ZBTB20: variants seen among roughly 807,000 people sequenced by gnomAD.
ZBTB20 encodes the protein zinc finger and BTB domain-containing protein 20.
ZBTB20 carries 9 observed loss-of-function variants against 56.9 expected under a neutral mutation model. The ratio of observed to expected loss-of-function variants is 0.16; its 90% CI spans 0.10 to 0.28. The LOEUF (loss-of-function observed/expected upper bound fraction) is 0.28, where lower values mean the gene tolerates loss of function less well. Ranked by LOEUF, ZBTB20 falls within the 10% of genes least tolerant of loss-of-function variation. The pLI, the probability that ZBTB20 is intolerant of heterozygous loss-of-function variation, is 1.00. For synonymous variants in ZBTB20, 417 were observed against 420.7 expected, an observed-to-expected ratio of 0.99 and a Z score of 0.11; for missense variants, 655 against 1,003.0, an observed-to-expected ratio of 0.65 and a Z score of 4.69.
chr3:114,515,552 T>TC (rs1348278394), intron 6 of ZBTB20, among the ~76,000 whole-genome samples: 1 of 152,226 alleles, frequency 6.6e-6, no homozygotes, highest in Admixed American at 6.5e-5. Flanking sequence ...GTTTCCTTTT[T>TC]CACTCCACAG....
At chr3:115,043,033 C>T (rs1454968956) in intron 2 of ZBTB20, among the ~76,000 whole-genome samples, 1 of 152,190 alleles carries the variant, frequency 6.6e-6, no homozygotes. Flanking sequence ...TCATTAACTT[C>T]TATCTCTATA....
At chr3:114,932,491 A>G (rs1576360299) in intron 3 of ZBTB20, among the ~76,000 whole-genome samples, 1 of 152,216 alleles carries the variant, frequency 6.6e-6, no homozygotes, top group Non-Finnish European at 1.5e-5. Context: ...AGATATTATC[A>G]ATCCCTAGGC....
intron 2 of ZBTB20, among the ~76,000 whole-genome samples, chr3:114,981,906 A>T (rs1489427831): frequency 6.6e-6 from 1 of 151,954 alleles, no homozygotes; most frequent in Non-Finnish European, 1.5e-5. Flanking sequence ...ACACAAGTCT[A>T]CTTCTTCACT....
chr3:114,505,516 CA>C (rs1028635008), intron 6 of ZBTB20, among the ~76,000 whole-genome samples: 1 of 152,106 alleles, frequency 6.6e-6, no homozygotes, highest in Non-Finnish European at 1.5e-5. Flanking sequence ...AATGGTGTGA[CA>C]ACAGGACAGA....
intron 5 of ZBTB20, among the ~76,000 whole-genome samples, chr3:114,696,961 T>C (rs1271974421): frequency 6.6e-6 from 1 of 151,880 alleles, no homozygotes; most frequent in African/African-American, 2.4e-5. Flanking sequence ...AACTGTTGTT[T>C]AGATGATGAA....
chr3:115,108,422 T>A (rs1560578455), intron 1 of ZBTB20, among the ~76,000 whole-genome samples: 1 of 152,096 alleles, frequency 6.6e-6, no homozygotes, highest in African/African-American at 2.4e-5. Flanking sequence ...TGAGTAACAA[T>A]TTGAAGTTAG....
intron 1 of ZBTB20, among the ~76,000 whole-genome samples, chr3:115,096,206 C>G (rs1055035178): frequency 6.6e-6 from 1 of 152,116 alleles, no homozygotes; most frequent in African/African-American, 2.4e-5. Flanking sequence ...ACACACCTGT[C>G]CGATTGCTAG....
chr3:114,635,220 TTG>T, intron 6 of ZBTB20, among the ~76,000 whole-genome samples: 1 of 152,318 alleles, frequency 6.6e-6, no homozygotes, highest in South Asian at 2.1e-4. Context: ...AGCCTTTTCC[TTG>T]AGAAGGCAAG....
At chr3:114,496,896 C>A (rs1387283183) in intron 7 of ZBTB20, among the ~76,000 whole-genome samples, 1 of 152,188 alleles carries the variant, frequency 6.6e-6, no homozygotes, top group African/African-American at 2.4e-5. Context: ...GGAATGTCTT[C>A]TCCTTATCTG....
intron 7 of ZBTB20, among the ~76,000 whole-genome samples, chr3:114,396,029 C>CAA (rs1045367032): frequency 6.6e-6 from 1 of 152,060 alleles, no homozygotes; most frequent in African/African-American, 2.4e-5. Context: ...CCCACACACA[C>CAA]AATCATGAAT....
chr3:114,421,867 C>G (rs2733393), intron 7 of ZBTB20, among the ~76,000 whole-genome samples: 1 of 150,266 alleles, frequency 6.7e-6, no homozygotes, highest in Non-Finnish European at 1.5e-5. Context: ...ATTCCCTCTC[C>G]TCCAGTGTCC....
intron 7 of ZBTB20, among the ~76,000 whole-genome samples, chr3:114,435,298 A>G (rs1221957849): frequency 1.3e-5 from 2 of 152,134 alleles, no homozygotes; most frequent in Non-Finnish European, 2.9e-5. Context: ...TCACTTCTGA[A>G]CACCTGGTAC....
rs761238911 is a variant in ZBTB20 at position 114,501,646 on chromosome 3, C to CAA, written c.-294-1257_-294-1256dup. 6.0e-3 allele frequency among the ~76,000 whole-genome samples: 509 copies of CAA among 84,312 alleles called. 3 individuals carry two copies. Among genetic ancestry groups the CAA allele is most frequent in the East Asian group, 0.023 (70 of 3,036 alleles). 55.3% of individuals were successfully genotyped at this position (84,312 alleles called of 152,430 possible). A position where few individuals can be genotyped will look rare whatever the true frequency, so the allele number is the denominator to read the frequency against. ...CGTCAAAAAAAAAAAAATCACAGGC[C>CAA]AAAAAAAAAAAAAACTATTATAGGA... On this transcript the variant is annotated intron_variant, in intron 6 of 11. Coordinates refer to ENST00000675478, the MANE Select transcript of ZBTB20 (RefSeq NM_001348800.3).
At chr3:114,770,506 T>C (rs1465763559) in intron 5 of ZBTB20, among the ~76,000 whole-genome samples, 2 of 150,596 alleles carry the variant, frequency 1.3e-5, no homozygotes, top group Non-Finnish European at 2.9e-5. Context: ...CCCCAATAAC[T>C]TATGGAAAAA....
chr3:114,541,763 C>T (rs62264758), intron 6 of ZBTB20, among the ~76,000 whole-genome samples: 54,213 of 151,942 alleles, frequency 0.36, 11,688 homozygotes, highest in East Asian at 0.72. Context: ...TCTAGCAGAA[C>T]AAGCAAAGGT....
At chr3:114,562,692 C>T (rs952415540) in intron 6 of ZBTB20, among the ~76,000 whole-genome samples, 5 of 152,106 alleles carry the variant, frequency 3.3e-5, no homozygotes, top group Admixed American at 6.6e-5. Flanking sequence ...TGAGAGATAA[C>T]GTGACTGTTC....
chr3:114,403,556 G>A (rs772322285), intron 7 of ZBTB20, among the ~76,000 whole-genome samples: 7 of 151,662 alleles, frequency 4.6e-5, no homozygotes, highest in Admixed American at 1.3e-4. Context: ...ATCAGGCCAC[G>A]TTTATAGGTA....
In ZBTB20 at chr3:115,112,568, T is replaced by C. The variant is rs113996391; in HGVS notation, c.-703+34651A>G. 2.9e-3 allele frequency among the ~76,000 whole-genome samples: 447 copies of C among 152,326 alleles called. 3 individuals are homozygous for C. The highest frequency in any genetic ancestry group is 0.011 in the African/African-American group (439 of 41,578). On this transcript the variant is annotated intron_variant, in intron 1 of 11. Coordinates refer to ENST00000675478, the MANE Select transcript of ZBTB20 (RefSeq NM_001348800.3). Reference sequence around the variant, plus strand: ...AGAACACGAGATATCTGTATTTCTGTGCTTGGCTTATTTCACTTAACATAA... The same window carrying C: ...AGAACACGAGATATCTGTATTTCTGCGCTTGGCTTATTTCACTTAACATAA...
intron 7 of ZBTB20, among the ~76,000 whole-genome samples, chr3:114,411,594 G>A (rs991210904): frequency 1.3e-5 from 2 of 152,020 alleles, no homozygotes; most frequent in Non-Finnish European, 2.9e-5. Flanking sequence ...AAAACACAAC[G>A]CTCTGCATGC....
Sources: allele counts gnomAD v4.1 joint callset (sites outside exome capture counted in the v4.1 genomes callset), GRCh38; gene constraint gnomAD v4.1.1; transcripts MANE v1.5; gene names NCBI Gene and HGNC (gene_info 2026-07-23, HGNC 2026-07-21).